Variants in PTPRK observed in about 807,000 individuals in gnomAD.
The protein encoded by PTPRK is protein tyrosine phosphatase receptor type K, also known as receptor-type tyrosine-protein phosphatase kappa.
A neutral mutation model predicts 178.0 loss-of-function variants in PTPRK; 75 were observed. The observed-to-expected ratio is 0.42, with a 90% confidence interval of 0.35 to 0.51. The LOEUF (loss-of-function observed/expected upper bound fraction) is 0.51, where lower values mean the gene tolerates loss of function less well. PTPRK is among the 20% of genes least tolerant of loss of function. The probability of loss-of-function intolerance (pLI) is 0.02; values close to 1 mark genes in which losing one functional copy is unlikely to be tolerated. For missense variants in PTPRK, 1,441 were observed against 1,797.8 expected (o/e 0.80, Z 3.59); for synonymous variants, 637 against 620.6 (o/e 1.03, Z -0.39).
chr6:128,067,087 T>G (rs1022092621), intron 12 of PTPRK, among the ~76,000 whole-genome samples: 1 of 152,162 alleles, frequency 6.6e-6, no homozygotes, highest in Non-Finnish European at 1.5e-5. Flanking sequence ...CCCTGAAAAG[T>G]TTATAAGGTT....
Position 128,421,048 on chromosome 6 carries a change from T to G in PTPRK, c.101-23360A>C, listed in dbSNP as rs545094590. Among the ~76,000 whole-genome samples the G allele has an allele frequency of 2.0e-5, 3 of 152,310 alleles. No individual in the cohort carries two copies. The East Asian group carries it at 5.8e-4, about 29-fold the overall frequency. ...CTTTCCTACATTAGCTTCTAGTTGC[T>G]TATAAAAAACACAATCATTCTTTTC... On this transcript the variant is annotated intron_variant, in intron 1 of 29. Transcript: ENST00000368226.
chr6:128,315,004 GAAAA>G (rs773372428), intron 3 of PTPRK, among the ~76,000 whole-genome samples: 1 of 41,064 alleles, frequency 2.4e-5, no homozygotes, highest in Non-Finnish European at 7.3e-5. Context: ...TTAAATGAAA[GAAAA>G]AAACAAACAA....
intron 5 of PTPRK, among the ~76,000 whole-genome samples, chr6:128,233,663 C>A (rs143372298): frequency 6.6e-6 from 1 of 152,180 alleles, no homozygotes; most frequent in Non-Finnish European, 1.5e-5. Flanking sequence ...AAGGGCGAAG[C>A]GGTGGCTGAC....
At chr6:128,256,098 C>G (rs1817259472) in intron 3 of PTPRK, among the ~76,000 whole-genome samples, 1 of 152,112 alleles carries the variant, frequency 6.6e-6, no homozygotes, top group South Asian at 2.1e-4. Context: ...GAAAGAAATA[C>G]CTAATTTTTG....
chr6:128,429,724 G>GAAAAAAA (rs1844580513), intron 1 of PTPRK, among the ~76,000 whole-genome samples: 1 of 152,092 alleles, frequency 6.6e-6, no homozygotes, highest in Non-Finnish European at 1.5e-5. Context: ...GAAAATCCTA[G>GAAAAAAA]AGGCTCTTCT....
At chr6:128,399,591 T>A (rs1283046568) in intron 1 of PTPRK, among the ~76,000 whole-genome samples, 6 of 152,010 alleles carry the variant, frequency 3.9e-5, no homozygotes, top group Non-Finnish European at 5.9e-5. Context: ...TCTCAAAATA[T>A]AATTTGCTAT....
At chr6:128,457,827 C>A (rs1313603278) in intron 1 of PTPRK, among the ~76,000 whole-genome samples, 1 of 152,092 alleles carries the variant, frequency 6.6e-6, no homozygotes, top group South Asian at 2.1e-4. Context: ...TTGTCACTTG[C>A]CTGATCTTCA....
At chr6:128,160,998 T>C (rs1398659131) in intron 7 of PTPRK, among the ~76,000 whole-genome samples, 1 of 151,572 alleles carries the variant, frequency 6.6e-6, no homozygotes, top group Non-Finnish European at 1.5e-5. Context: ...ATGTATACAT[T>C]TATAAGCCTT....
rs867077219 is a variant in PTPRK at position 127,981,035 on chromosome 6, G to A, written c.3711+81C>T. On this transcript the variant is annotated intron_variant, in intron 25 of 29. Transcript: ENST00000368226. ...CTTTTTAGGTTATTTTAATTTCCTC[G>A]AAAAGAAAACTAGCCAGTGTTCAGT... 1.3e-4 allele frequency: 172 copies of A among 1,277,104 alleles called. 2 individuals are homozygous for A. The Middle Eastern group carries it at 4.4e-3, about 33-fold the overall frequency. The allele number at this position is 1,277,104 out of a possible 1,614,324, so 79.1% of individuals were successfully genotyped here.
chr6:128,055,692 T>A (rs1329058083), intron 13 of PTPRK, among the ~76,000 whole-genome samples: 1 of 152,150 alleles, frequency 6.6e-6, no homozygotes, highest in Non-Finnish European at 1.5e-5. Context: ...CTCGAACTCC[T>A]GGGCTCAAAT....
intron 1 of PTPRK, among the ~76,000 whole-genome samples, chr6:128,469,386 A>G (rs1399769254): frequency 6.6e-6 from 1 of 152,190 alleles, no homozygotes; most frequent in Non-Finnish European, 1.5e-5. Flanking sequence ...ATAGAAATCC[A>G]TTTCAAATCC....
chr6:127,991,295 C>T lies in PTPRK; in HGVS notation c.2978G>A (p.Arg993Gln), dbSNP rs745973696. 1.1e-5 allele frequency: 17 copies of T among 1,586,606 alleles called. No homozygotes were observed. The highest frequency in any genetic ancestry group is 2.3e-5 in the East Asian group (1 of 43,736). The change falls in exon 20 of 30, where the codon CGG becomes CAG. Residue 993 changes from arginine to glutamine, a missense_variant and splice_region_variant. Physicochemically the swap from Arg to Gln is conservative, Grantham distance 43. Around this residue, in one of 4 missense-constraint regions of PTPRK, gnomAD observed 945 missense variants for 1,080.6 expected, o/e 0.87. Transcript: ENST00000368226. ...VMVTNLVEVG[R>Q]VKCYKYWPDD... is the part of the protein sequence containing the mutation. ...AAAAATTCTTTTTCTTCCTCTTACC[C>T]GGCCAACCTCAACTAAATTTGTAAC... is the stretch of plus-strand genomic sequence containing the variant.
chr6:128,206,205 A>C (rs117091909), intron 6 of PTPRK, among the ~76,000 whole-genome samples: 3,233 of 151,992 alleles, frequency 0.021, 64 homozygotes, highest in Middle Eastern at 0.078. Flanking sequence ...TTTTTATGTC[A>C]ATAATAAAAT....
At chr6:128,244,836 G>C (rs1400862688) in intron 3 of PTPRK, among the ~76,000 whole-genome samples, 2 of 152,098 alleles carry the variant, frequency 1.3e-5, no homozygotes, top group African/African-American at 4.8e-5. Flanking sequence ...TTGAAAATTT[G>C]GGAGGCTGAG....
At chr6:128,029,989 A>T (rs1169253501) in intron 13 of PTPRK, among the ~76,000 whole-genome samples, 1 of 152,128 alleles carries the variant, frequency 6.6e-6, no homozygotes, top group African/African-American at 2.4e-5. Context: ...CAGCTAAGTG[A>T]GAATGTGGTA....
intron 5 of PTPRK, among the ~76,000 whole-genome samples, chr6:128,238,763 G>C (rs1234121463): frequency 6.6e-6 from 1 of 152,014 alleles, no homozygotes; most frequent in African/African-American, 2.4e-5. Flanking sequence ...ATCTCTGTAG[G>C]AGAAATTACC....
intron 20 of PTPRK, 79 bp from the exon 21 acceptor site, chr6:127,990,964 C>A (rs1238748812): frequency 9.8e-6 from 8 of 814,646 alleles, no homozygotes; most frequent in African/African-American, 2.2e-5. Flanking sequence ...CCAGCAATAA[C>A]TCCTTGTCAC....
chr6:128,341,898 G>A (rs1440263847), intron 2 of PTPRK, among the ~76,000 whole-genome samples: 2 of 152,062 alleles, frequency 1.3e-5, no homozygotes, highest in African/African-American at 2.4e-5. Context: ...TCTTTGCTAT[G>A]TGGCCAATTA....
chr6:128,285,411 A>T (rs980186053), intron 3 of PTPRK, among the ~76,000 whole-genome samples: 4 of 151,862 alleles, frequency 2.6e-5, no homozygotes, highest in Non-Finnish European at 5.9e-5. Flanking sequence ...GCTACTTTGG[A>T]GGCTGAGACA....
Sources: allele counts gnomAD v4.1 joint callset (sites outside exome capture counted in the v4.1 genomes callset), GRCh38; gene constraint gnomAD v4.1.1; regional missense constraint gnomAD v4.1.1; transcripts MANE v1.5; gene names NCBI Gene and HGNC (gene_info 2026-07-23, HGNC 2026-07-21).